The following LRIG2 variants were observed in gnomAD, a reference collection of about 807,000 sequenced individuals.
The protein encoded by LRIG2 is leucine-rich repeats and immunoglobulin-like domains protein 2.
Under a neutral mutation model 107.8 loss-of-function variants are expected in LRIG2, and 93 were observed. That is an observed-to-expected ratio of 0.86 (90% confidence interval 0.73 to 1.03). The LOEUF (loss-of-function observed/expected upper bound fraction) is 1.03, where lower values mean the gene tolerates loss of function less well. LRIG2 is among the 50% of genes least tolerant of loss of function. LRIG2 has a pLI of 0.00. For synonymous variants in LRIG2, 471 were observed against 470.6 expected, an observed-to-expected ratio of 1.00 and a Z score of -0.01; for missense variants, 1,226 against 1,296.0, an observed-to-expected ratio of 0.95 and a Z score of 0.83.
chr1:113,114,385 C>T (rs781373689), intron 14 of LRIG2, 42 bp from the exon 15 acceptor site: 119 of 1,372,018 alleles, frequency 8.7e-5, no homozygotes, highest in South Asian at 3.6e-4. Flanking sequence ...AATAAAATTG[C>T]CTAACTTTTC....
In LRIG2 at chr1:113,110,155, C is replaced by G. The variant is rs1654707239; in HGVS notation, c.1478-87C>G. On this transcript the variant is annotated intron_variant, in intron 12 of 17. Transcript: ENST00000361127. The stretch of plus-strand genomic sequence containing the variant: ...TTAATATGCCACTTTGTAAACAGAA[C>G]ACACAATTTTATAGTATTTTTTAAA... The G allele has an allele frequency of 1.1e-5, 10 of 933,206 alleles. No individual in the cohort carries two copies. In the East Asian group the frequency reaches 2.6e-4, roughly 24 times the overall value. 57.8% of individuals were successfully genotyped at this position (933,206 alleles called of 1,614,324 possible). A position where few individuals can be genotyped will look rare whatever the true frequency, so the allele number is the denominator to read the frequency against.
At chr1:113,081,621 A>G (rs1653291664) in intron 1 of LRIG2, among the ~76,000 whole-genome samples, 1 of 151,870 alleles carries the variant, frequency 6.6e-6, no homozygotes, top group Non-Finnish European at 1.5e-5. Flanking sequence ...CCTGGGTTCA[A>G]GCAATTCTCC....
At chr1:113,100,545 C>A in intron 11 of LRIG2, 57 bp downstream of exon 11, 1 of 1,062,044 alleles carries the variant, frequency 9.4e-7, no homozygotes, top group Non-Finnish European at 1.4e-6. Flanking sequence ...GCTTGTTGTG[C>A]TTAAAGTGTG....
At chr1:113,111,106 C>T (rs1360860339) in intron 13 of LRIG2, among the ~76,000 whole-genome samples, 1 of 152,102 alleles carries the variant, frequency 6.6e-6, no homozygotes, top group African/African-American at 2.4e-5. Flanking sequence ...ATGATCTCGG[C>T]TCACTGCAAA....
intron 1 of LRIG2, among the ~76,000 whole-genome samples, chr1:113,086,006 T>G (rs1653533646): frequency 6.9e-6 from 1 of 144,534 alleles, no homozygotes; most frequent in African/African-American, 2.6e-5. Context: ...TGAGGTTTTT[T>G]TTTTTTTTTT....
chr1:113,110,091 C>T (rs1654705678), intron 12 of LRIG2, 151 bp from the exon 13 acceptor site: 3 of 573,540 alleles, frequency 5.2e-6, no homozygotes, highest in African/African-American at 1.9e-5. Flanking sequence ...CATCTTTAAA[C>T]AAGGGAATTG....
At position 113,096,268 on chromosome 1, in the gene LRIG2, G is replaced by A; in HGVS notation, c.994G>A (p.Val332Met). The A allele has an allele frequency of 1.2e-6, 2 of 1,614,168 alleles. No homozygotes were observed. Among genetic ancestry groups the A allele is most frequent in the Non-Finnish European group, 1.7e-6 (2 of 1,180,028 alleles). ...GACCCGCCTGGATGAATCTGCCTTT[G>A]TGGGTCTGAGCTTATTGGAGAGATT... ...QLTRLDESAF[V>M]GLSLLERLNL... is the part of the protein sequence containing the mutation. The change falls in exon 8 of 18, where the codon GTG becomes ATG. Residue 332 changes from valine (V) to methionine (M), a missense_variant. Val to Met is a conservative substitution (Grantham distance 21, BLOSUM62 1). This residue lies in a region of LRIG2 where 570 missense variants were observed against 550.2 expected (regional missense o/e 1.04). Transcript: ENST00000361127.
chr1:113,089,869 T>C (rs891245527), intron 1 of LRIG2, among the ~76,000 whole-genome samples: 2 of 151,124 alleles, frequency 1.3e-5, no homozygotes, highest in Non-Finnish European at 3.0e-5. Flanking sequence ...ATTTTTTTTG[T>C]ATTTTTAGTA....
chr1:113,076,368 A>G (rs973241645), intron 1 of LRIG2, among the ~76,000 whole-genome samples: 4 of 152,210 alleles, frequency 2.6e-5, no homozygotes, highest in Non-Finnish European at 5.9e-5. Context: ...AATTTTATGT[A>G]AGATATATTT....
intron 5 of LRIG2, 53 bp downstream of exon 5, chr1:113,094,535 T>G: frequency 6.4e-7 from 1 of 1,574,294 alleles, no homozygotes. Context: ...TTACAGGGTC[T>G]TTTTCTTTTT....
chr1:113,104,049 A>T (rs1025018309), intron 11 of LRIG2, among the ~76,000 whole-genome samples: 4 of 151,894 alleles, frequency 2.6e-5, no homozygotes, highest in Admixed American at 2.0e-4. Flanking sequence ...TGCTAACTAT[A>T]TTGCTCCACC....
intron 11 of LRIG2, chr1:113,103,628 A>T: frequency 6.5e-6 from 1 of 154,354 alleles, no homozygotes. Flanking sequence ...TGTGACTCCG[A>T]TAGGATCAGA....
In LRIG2 at chr1:113,124,203, CT is replaced by C; in HGVS notation, c.*105del. ...CTCCGAAGTCAGCATTTGCTTTACT[CT>C]TTCTTTATGATTGCATCTGACCGCA... On this transcript the variant is annotated 3_prime_UTR_variant, in exon 18 of 18. Coordinates refer to ENST00000361127, the MANE Select transcript of LRIG2 (RefSeq NM_014813.3). 1 of 1,025,496 alleles carries C rather than the reference CT, an allele frequency of 9.8e-7. No homozygotes were observed. Among genetic ancestry groups the C allele is most frequent in the South Asian group, 1.5e-5 (1 of 66,678 alleles). 63.5% of individuals were successfully genotyped at this position (1,025,496 alleles called of 1,614,324 possible). A position where few individuals can be genotyped will look rare whatever the true frequency, so the allele number is the denominator to read the frequency against.
chr1:113,112,542 T>G lies in LRIG2; in HGVS notation c.1862T>G (p.Leu621Ter). 6.2e-6 allele frequency: 10 copies of G among 1,614,126 alleles called. No individual in the cohort carries two copies. Among genetic ancestry groups the G allele is most frequent in the Non-Finnish European group, 8.5e-6 (10 of 1,179,990 alleles). Residue 621 changes from leucine (L) to a stop codon, truncating the protein, a stop_gained, in exon 14 of 18, where the codon TTA becomes TGA. Coordinates refer to ENST00000361127, the MANE Select transcript of LRIG2 (RefSeq NM_014813.3). LOFTEE classifies it high-confidence loss of function. ...ATTCGCACTGGTGCCATGGCCAGAT[T>G]AGAATGTGCTGCAGAGGGACACCCT... is the stretch of plus-strand genomic sequence containing the variant. ...LTIRTGAMAR[L>*]ECAAEGHPAP...
rs765354195 is a variant in LRIG2, at chr1:113,112,706, A to G, written c.2026A>G (p.Met676Val). 5.6e-6 allele frequency: 9 copies of G among 1,611,542 alleles called. No homozygotes were observed. In the African/African-American group the frequency reaches 1.2e-4, roughly 22 times the overall value. ...KIEDMGIYSC[M>V]AQNTAGGLSA... ...AGAAGATATGGGAATCTATAGCTGC[A>G]TGGCACAAAATACAGCAGGAGGTCT... Residue 676 changes from methionine to valine, a missense_variant, in exon 14 of 18, where the codon ATG (methionine) becomes GTG (valine). Transcript: ENST00000361127.
chr1:113,096,750 C>T (rs900452293), intron 8 of LRIG2, among the ~76,000 whole-genome samples: 35 of 152,236 alleles, frequency 2.3e-4, no homozygotes, highest in Admixed American at 3.9e-4. Flanking sequence ...TGGGAACTGC[C>T]GTGGTAGGAG....
rs367680383 is a variant in LRIG2, at chr1:113,123,906, C to T, written c.3003C>T (p.Asn1001=). 1.1e-4 allele frequency: 179 copies of T among 1,614,142 alleles called. 1 individual carries two copies. The South Asian group carries it at 1.7e-3, about 15-fold the overall frequency. The change falls in exon 18 of 18, where the codon AAC becomes AAT. Residue 1001 remains asparagine, a synonymous_variant. Coordinates refer to ENST00000361127, the MANE Select transcript of LRIG2 (RefSeq NM_014813.3). ...ETLQRPVWNI[N]RELGLPHPPF... ...TGCAGCGGCCCGTGTGGAACATAAA[C>T]AGAGAACTAGGCCTGCCTCATCCTC...
intron 17 of LRIG2, among the ~76,000 whole-genome samples, chr1:113,120,211 A>G (rs1032550016): frequency 2.6e-5 from 4 of 151,692 alleles, no homozygotes; most frequent in African/African-American, 9.7e-5. Flanking sequence ...GCACTTTCGG[A>G]GGCCAAAGCA....
At chr1:113,123,327 C>A (rs773017950) in intron 17 of LRIG2, among the ~76,000 whole-genome samples, 1 of 152,188 alleles carries the variant, frequency 6.6e-6, no homozygotes, top group Non-Finnish European at 1.5e-5. Flanking sequence ...GTAATCCCAG[C>A]ACTTTGGGAG....
Sources: gnomAD v4.1 joint callset for allele counts (sites outside exome capture counted in the v4.1 genomes callset) on GRCh38, gnomAD v4.1.1 for gene constraint, gnomAD v4.1.1 regional missense constraint, MANE v1.5 for transcripts, NCBI Gene and HGNC (gene_info 2026-07-23, HGNC 2026-07-21) for gene names.